The following TTBK1 variants were observed in gnomAD, a reference collection of about 807,000 sequenced individuals.
TTBK1 encodes tau tubulin kinase 1, also known as tau-tubulin kinase 1.
TTBK1 carries 34 observed loss-of-function variants against 108.5 expected under a neutral mutation model. The observed-to-expected ratio is 0.31, with a 90% CI of 0.24 to 0.42. The LOEUF (loss-of-function observed/expected upper bound fraction) is 0.42, where lower values mean the gene tolerates loss of function less well. Ranked by LOEUF, TTBK1 falls within the 10% of genes least tolerant of loss-of-function variation. TTBK1 has a pLI of 1.00. For synonymous variants in TTBK1, 809 were observed against 795.1 expected, an observed-to-expected ratio of 1.02 and a Z score of -0.29; for missense variants, 1,539 against 1,826.0, an observed-to-expected ratio of 0.84 and a Z score of 2.86.
chr6:43,284,136 C>G lies in TTBK1; in HGVS notation c.3396C>G (p.Asp1132Glu), dbSNP rs1173162556. The G allele has an allele frequency of 9.7e-6, 15 of 1,541,314 alleles. No homozygotes were observed. The highest frequency in any genetic ancestry group is 1.3e-5 in the Non-Finnish European group (15 of 1,149,304). Residue 1132 changes from aspartate to glutamate, a missense_variant, in exon 14 of 15, where the codon GAC becomes GAG. Asp to Glu is a conservative substitution (Grantham distance 45). Transcript: ENST00000259750. ...TCTCAGGCACGGGCTCTGAGGAGGA[C>G]ACGCCCGCCTCTGAGCCGGCAGCGG... ...ETLSGTGSEE[D>E]TPASEPAAAL...
chr6:43,262,588 G>T (rs78686889), intron 12 of TTBK1, among the ~76,000 whole-genome samples: 1,959 of 152,316 alleles, frequency 0.013, 37 homozygotes, highest in African/African-American at 0.043. Flanking sequence ...ATGAACGAAC[G>T]AACTAACAAA....
At chr6:43,270,285 G>A (rs929500469) in intron 13 of TTBK1, 1 of 1,115,418 alleles carries the variant, frequency 9.0e-7, no homozygotes, top group Non-Finnish European at 1.1e-6. Context: ...AGAGGTGTCA[G>A]GGAGATGAGG....
chr6:43,284,398 G>A (rs1760868234), intron 14 of TTBK1, 86 bp downstream of exon 14: 6 of 1,448,052 alleles, frequency 4.1e-6, no homozygotes, highest in Non-Finnish European at 5.4e-6. Flanking sequence ...CAAGGTCAGG[G>A]GCTATGGAAG....
chr6:43,252,440 A>C (rs1373160903), intron 2 of TTBK1, among the ~76,000 whole-genome samples: 1 of 152,042 alleles, frequency 6.6e-6, no homozygotes, highest in African/African-American at 2.4e-5. Flanking sequence ...AGCCTGGCCA[A>C]CATGGTGAAA....
At chr6:43,281,772 C>T (rs6930150) in intron 13 of TTBK1, among the ~76,000 whole-genome samples, 3 of 152,050 alleles carry the variant, frequency 2.0e-5, no homozygotes, top group African/African-American at 7.3e-5. Context: ...TCGTCAGCAC[C>T]GTCCCACCAT....
chr6:43,282,642 C>A lies in TTBK1; in HGVS notation c.1987-85C>A. On this transcript the variant is annotated intron_variant, in intron 13 of 14. Transcript: ENST00000259750. The surrounding 1 kb of genome is among the most constrained non-coding windows in gnomAD (Gnocchi z 5.4). The stretch of plus-strand genomic sequence containing the variant: ...TGGTAGACGACCTGGGCCTGTGAGT[C>A]TCCTAGGTTGTGGGTGCAGCTGAAG... 8.5e-7 allele frequency: 1 copy of A among 1,175,398 alleles called. No individual in the cohort carries two copies. Among genetic ancestry groups the A allele is most frequent in the Non-Finnish European group, 1.2e-6 (1 of 819,238 alleles). 72.8% of individuals were successfully genotyped at this position (1,175,398 alleles called of 1,614,324 possible).
intron 2 of TTBK1, among the ~76,000 whole-genome samples, chr6:43,250,734 C>T (rs879916348): frequency 6.6e-6 from 1 of 152,300 alleles, no homozygotes; most frequent in Admixed American, 6.5e-5. Flanking sequence ...TCCTTCTGTG[C>T]AAAATGGGGA....
At chr6:43,279,121 T>C (rs907926823) in intron 13 of TTBK1, among the ~76,000 whole-genome samples, 9 of 152,224 alleles carry the variant, frequency 5.9e-5, no homozygotes, top group African/African-American at 2.2e-4. Context: ...TCTGATTTTA[T>C]GACTGATCAT....
chr6:43,252,566 G>T (rs578149003), intron 2 of TTBK1, among the ~76,000 whole-genome samples, 173 bp from the exon 3 acceptor site: 19 of 151,420 alleles, frequency 1.3e-4, no homozygotes, highest in African/African-American at 4.4e-4. Context: ...AGGTTGCAGT[G>T]AGCCGAGATT....
Position 43,276,002 on chromosome 6 carries a change from G to C in TTBK1, c.1987-6725G>C, listed in dbSNP as rs567183511. ...TGGTAGGAGAGAGAAACTCAGCACC[G>C]GGGCCCAGCTGAGCCCCTTCCTGCG... On this transcript the variant is annotated intron_variant, in intron 13 of 14. Coordinates refer to ENST00000259750, the MANE Select transcript of TTBK1 (RefSeq NM_032538.3). This position sits in a 1 kb window ranked among gnomAD's most constrained non-coding sequence, Gnocchi z 5.4. Among the ~76,000 whole-genome samples the C allele has an allele frequency of 3.9e-5, 6 of 152,120 alleles. No individual in the cohort carries two copies. In the South Asian group the frequency reaches 8.3e-4, roughly 21 times the overall value.
intron 1 of TTBK1, among the ~76,000 whole-genome samples, chr6:43,244,389 A>G (rs1055106266): frequency 6.6e-6 from 1 of 152,150 alleles, no homozygotes; most frequent in African/African-American, 2.4e-5. Context: ...CACCAGTTCC[A>G]CGTACCCCTG....
Position 43,259,379 on chromosome 6 carries a change from C to A in TTBK1, c.1248+110C>A. ...AAGCACCCTGTCCCCGGCCATCTGC[C>A]TGCTTGCCCTGCCTCTGTTTCCCGG... On this transcript the variant is annotated intron_variant, in intron 11 of 14. Coordinates refer to ENST00000259750, the MANE Select transcript of TTBK1 (RefSeq NM_032538.3). This position sits in a 1 kb window ranked among gnomAD's most constrained non-coding sequence, Gnocchi z 6.7. 2 of 1,249,818 alleles carry A rather than the reference C, an allele frequency of 1.6e-6. No individual in the cohort carries two copies. The highest frequency in any genetic ancestry group is 2.8e-5 in the Admixed American group (1 of 35,468). The allele number at this position is 1,249,818 out of a possible 1,614,324, so 77.4% of individuals were successfully genotyped here.
At position 43,283,496 on chromosome 6, in the gene TTBK1, C is replaced by T; in HGVS notation, c.2756C>T (p.Thr919Ile). ...VTTGVGGVAV[T>I]SSPFTKVERT... Reference sequence around the variant, plus strand: ...ACAGGGGTCGGGGGCGTGGCAGTCACCTCCTCACCCTTCACCAAAGTTGAG... The same window carrying T: ...ACAGGGGTCGGGGGCGTGGCAGTCATCTCCTCACCCTTCACCAAAGTTGAG... The change falls in exon 14 of 15, where the codon ACC becomes ATC. Residue 919 changes from threonine (T) to isoleucine (I), a missense_variant. Physicochemically the swap from Thr to Ile is moderately conservative, Grantham distance 89 (BLOSUM62 -1). Coordinates refer to ENST00000259750, the MANE Select transcript of TTBK1 (RefSeq NM_032538.3). This position sits in a 1 kb window ranked among gnomAD's most constrained non-coding sequence, Gnocchi z 8.1. 1 of 1,614,150 alleles carries T rather than the reference C, an allele frequency of 6.2e-7. No individual in the cohort carries two copies. The highest frequency in any genetic ancestry group is 8.5e-7 in the Non-Finnish European group (1 of 1,179,984).
At position 43,258,599 on chromosome 6, in the gene TTBK1, A is replaced by T. The variant is rs1275267011; in HGVS notation, c.1017-439A>T. Among the ~76,000 whole-genome samples, 6 of 85,100 alleles carry T rather than the reference A, an allele frequency of 7.1e-5. No homozygotes were observed. In the East Asian group the frequency reaches 1.4e-3, roughly 20 times the overall value. 55.8% of individuals were successfully genotyped at this position (85,100 alleles called of 152,430 possible). Reference sequence around the variant, plus strand: ...GTTTAATCATCAAAGAAGATTAAATAAAAAAAAAATTTAAGTGTATATTCA... The same window carrying T: ...GTTTAATCATCAAAGAAGATTAAATTAAAAAAAAATTTAAGTGTATATTCA... On this transcript the variant is annotated intron_variant, in intron 10 of 14. Transcript: ENST00000259750.
chr6:43,282,405 G>A lies in TTBK1; in HGVS notation c.1987-322G>A, dbSNP rs1484790658. ...GACTCGGGTGCAGGATGCACATGGC[G>A]ATGAGAGGGGCTGGGGACATAGAGA... On this transcript the variant is annotated intron_variant, in intron 13 of 14. Transcript: ENST00000259750. The surrounding 1 kb of genome is among the most constrained non-coding windows in gnomAD (Gnocchi z 5.4). Among the ~76,000 whole-genome samples, 1 of 152,228 alleles carries A rather than the reference G, an allele frequency of 6.6e-6. No homozygotes were observed. Among genetic ancestry groups the A allele is most frequent in the Non-Finnish European group, 1.5e-5 (1 of 68,044 alleles).
At chr6:43,246,898 CT>C (rs1422809276) in intron 2 of TTBK1, 130 bp downstream of exon 2, 25 of 646,676 alleles carry the variant, frequency 3.9e-5, no homozygotes, top group Middle Eastern at 2.9e-4. Flanking sequence ...CATTTGCATA[CT>C]GCTTGCATGT....
chr6:43,254,033 G>A (rs1282959748), intron 5 of TTBK1, among the ~76,000 whole-genome samples: 1 of 152,214 alleles, frequency 6.6e-6, no homozygotes, highest in African/African-American at 2.4e-5. Flanking sequence ...GAGGGATCGA[G>A]GGAAGGGGAC....
Position 43,283,614 on chromosome 6 carries a change from C to A in TTBK1, c.2874C>A (p.Gly958=), listed in dbSNP as rs145187814. Residue 958 remains glycine (G), a synonymous_variant, in exon 14 of 15, where the codon GGC becomes GGA. Coordinates refer to ENST00000259750, the MANE Select transcript of TTBK1 (RefSeq NM_032538.3). This position sits in a 1 kb window ranked among gnomAD's most constrained non-coding sequence, Gnocchi z 8.1. ...ALRSEEFSAG[G]ELGLELASDG... is the part of the protein sequence containing the mutation. ...GGTCTGAGGAGTTCAGCGCTGGGGG[C>A]GAGCTGGGTCTGGAGCTGGCCTCTG... 2.5e-6 allele frequency: 4 copies of A among 1,614,124 alleles called. No individual in the cohort carries two copies. In the South Asian group the frequency reaches 4.4e-5, roughly 18 times the overall value.
chr6:43,271,757 A>G (rs2150704316), intron 13 of TTBK1: 1 of 936,310 alleles, frequency 1.1e-6, no homozygotes, highest in South Asian at 5.0e-5. Flanking sequence ...CTTTCTTTGT[A>G]AGTCTATTTA....
Sources: allele counts gnomAD v4.1 joint callset (sites outside exome capture counted in the v4.1 genomes callset), GRCh38; gene constraint gnomAD v4.1.1; non-coding constraint Gnocchi (gnomAD v3.1); transcripts MANE v1.5; gene names NCBI Gene and HGNC (gene_info 2026-07-23, HGNC 2026-07-21).